HS3ST4: variants seen among roughly 807,000 people sequenced by gnomAD.
HS3ST4 encodes heparan sulfate glucosamine 3-O-sulfotransferase 4.
In HS3ST4, 17 loss-of-function variants were observed where a neutral mutation model predicts 29.2. The ratio of observed to expected loss-of-function variants is 0.58; its 90% CI spans 0.40 to 0.87. HS3ST4 has a LOEUF of 0.87. Ranked by LOEUF, HS3ST4 falls within the 40% of genes least tolerant of loss-of-function variation. The probability of loss-of-function intolerance (pLI) is 0.00; values close to 1 mark genes in which losing one functional copy is unlikely to be tolerated. For missense variants in HS3ST4, 627 were observed against 634.5 expected, an observed-to-expected ratio of 0.99 and a Z score of 0.13; for synonymous variants, 314 against 285.7, an observed-to-expected ratio of 1.10 and a Z score of -1.00.
At chr16:25,778,016 G>C (rs72778967) in intron 1 of HS3ST4, among the ~76,000 whole-genome samples, 4,047 of 152,224 alleles carry the variant, frequency 0.027, 71 homozygotes, top group Non-Finnish European at 0.044. Context: ...GTGTTTGATT[G>C]CTAGGTTGGG....
At chr16:25,874,859 T>A (rs1372609603) in intron 1 of HS3ST4, among the ~76,000 whole-genome samples, 1 of 152,176 alleles carries the variant, frequency 6.6e-6, no homozygotes, top group Non-Finnish European at 1.5e-5. Flanking sequence ...CTCCACCATA[T>A]ACTAGCTGTG....
intron 1 of HS3ST4, among the ~76,000 whole-genome samples, chr16:26,056,040 CAG>C (rs55688033): frequency 0.038 from 5,672 of 147,846 alleles, 177 homozygotes; most frequent in African/African-American, 0.082. Flanking sequence ...AAGAGAGAGA[CAG>C]AGAGAGAGAG....
intron 1 of HS3ST4, among the ~76,000 whole-genome samples, chr16:25,816,413 C>T (rs978290755): frequency 3.9e-5 from 6 of 152,174 alleles, no homozygotes; most frequent in Non-Finnish European, 8.8e-5. Flanking sequence ...CGTCCAGACT[C>T]GTGGACTGTC....
At position 25,792,053 on chromosome 16, in the gene HS3ST4, C is replaced by T. The variant is rs192155729; in HGVS notation, c.734+98902C>T. On this transcript the variant is annotated intron_variant, in intron 1 of 1. Transcript: ENST00000331351. ...ATTTCATTTCATAAACAATTTGCTTCAAATGATTATGAATGGATATTATAC... is the reference window on the plus strand; with the variant it reads ...ATTTCATTTCATAAACAATTTGCTTTAAATGATTATGAATGGATATTATAC... Among the ~76,000 whole-genome samples, 34 of 152,056 alleles carry T rather than the reference C, an allele frequency of 2.2e-4. No individual in the cohort carries two copies. The East Asian group carries it at 6.6e-3, about 29-fold the overall frequency.
At chr16:26,107,452 G>A (rs1016359907) in intron 1 of HS3ST4, among the ~76,000 whole-genome samples, 1 of 152,112 alleles carries the variant, frequency 6.6e-6, no homozygotes, top group Non-Finnish European at 1.5e-5. Flanking sequence ...TGGATGAAAT[G>A]TATAGTAGCA....
intron 1 of HS3ST4, among the ~76,000 whole-genome samples, chr16:25,909,908 C>T (rs187154540): frequency 9.1e-4 from 138 of 152,176 alleles, no homozygotes; most frequent in Middle Eastern, 3.4e-3. Context: ...CTGTATTGCC[C>T]AGGCTGGAGT....
intron 1 of HS3ST4, among the ~76,000 whole-genome samples, chr16:25,995,396 A>T (rs867601431): frequency 2.6e-5 from 4 of 152,154 alleles, no homozygotes; most frequent in African/African-American, 9.7e-5. Flanking sequence ...TATGCTTTTT[A>T]TCTATTCTGC....
intron 1 of HS3ST4, among the ~76,000 whole-genome samples, chr16:25,968,770 A>G (rs77253247): frequency 6.6e-6 from 1 of 152,288 alleles, no homozygotes; most frequent in East Asian, 1.9e-4. Flanking sequence ...GGTAAGGTGC[A>G]CAGAACAGTG....
intron 1 of HS3ST4, among the ~76,000 whole-genome samples, chr16:26,036,646 A>G (rs911380025): frequency 1.3e-5 from 2 of 152,174 alleles, no homozygotes; most frequent in Non-Finnish European, 2.9e-5. Flanking sequence ...TCCATCTCCC[A>G]TGTCTCTCCA....
intron 1 of HS3ST4, among the ~76,000 whole-genome samples, chr16:25,859,900 G>T (rs144932346): frequency 1.3e-5 from 2 of 152,150 alleles, no homozygotes; most frequent in Admixed American, 1.3e-4. Flanking sequence ...GGATCCAGCC[G>T]CACAGTGGAA....
chr16:25,880,457 C>T (rs1967882843), intron 1 of HS3ST4, among the ~76,000 whole-genome samples: 1 of 152,204 alleles, frequency 6.6e-6, no homozygotes, highest in Non-Finnish European at 1.5e-5. Context: ...TTTTGACACG[C>T]AACCATCTCT....
intron 1 of HS3ST4, among the ~76,000 whole-genome samples, chr16:26,004,307 A>G (rs1171579206): frequency 2.0e-5 from 3 of 152,096 alleles, no homozygotes; most frequent in African/African-American, 7.2e-5. Context: ...TTTTTTCTCT[A>G]ACATTGATCT....
At chr16:25,793,268 G>A (rs1445969553) in intron 1 of HS3ST4, among the ~76,000 whole-genome samples, 1 of 151,848 alleles carries the variant, frequency 6.6e-6, no homozygotes, top group Non-Finnish European at 1.5e-5. Context: ...GTTAAATGCA[G>A]CATTGCGTAT....
intron 1 of HS3ST4, among the ~76,000 whole-genome samples, chr16:26,083,755 A>C (rs1335195401): frequency 6.6e-6 from 1 of 152,168 alleles, no homozygotes; most frequent in Non-Finnish European, 1.5e-5. Flanking sequence ...ACCAGGAAAG[A>C]GTTAAATAAA....
chr16:25,696,356 C>T (rs1448507089), intron 1 of HS3ST4, among the ~76,000 whole-genome samples: 1 of 152,216 alleles, frequency 6.6e-6, no homozygotes, highest in Non-Finnish European at 1.5e-5. Flanking sequence ...AACTGGCTGC[C>T]AATGCAGAAC....
intron 1 of HS3ST4, among the ~76,000 whole-genome samples, chr16:25,814,608 C>T (rs76082751): frequency 0.032 from 4,905 of 152,168 alleles, 180 homozygotes; most frequent in East Asian, 0.1. Context: ...CCTCCCAAAG[C>T]GCTGGGATTA....
chr16:25,767,044 T>A (rs1161340281), intron 1 of HS3ST4, among the ~76,000 whole-genome samples: 1 of 152,200 alleles, frequency 6.6e-6, no homozygotes, highest in Non-Finnish European at 1.5e-5. Flanking sequence ...AAAATATGAC[T>A]TTATAAATGT....
chr16:25,854,225 G>T (rs559482423), intron 1 of HS3ST4, among the ~76,000 whole-genome samples: 1 of 152,088 alleles, frequency 6.6e-6, no homozygotes, highest in Non-Finnish European at 1.5e-5. Flanking sequence ...AGCCTCCCGA[G>T]TAGCTGGGAC....
At chr16:25,824,038 G>A (rs1967190858) in intron 1 of HS3ST4, among the ~76,000 whole-genome samples, 1 of 152,186 alleles carries the variant, frequency 6.6e-6, no homozygotes, top group Non-Finnish European at 1.5e-5. Context: ...CACTGTGCCT[G>A]GCAACAGTGT....
Sources: gnomAD v4.1 joint callset for allele counts (sites outside exome capture counted in the v4.1 genomes callset) on GRCh38, gnomAD v4.1.1 for gene constraint, MANE v1.5 for transcripts, NCBI Gene and HGNC (gene_info 2026-07-23, HGNC 2026-07-21) for gene names.